The following E2F2 variants were observed in gnomAD, a reference collection of about 807,000 sequenced individuals.
The protein encoded by E2F2 is transcription factor E2F2.
Under a neutral mutation model 42.2 loss-of-function variants are expected in E2F2, and 22 were observed. The ratio of observed to expected loss-of-function variants is 0.52; its 90% CI spans 0.37 to 0.74. The LOEUF (loss-of-function observed/expected upper bound fraction) is 0.74. Ranked by LOEUF, E2F2 falls within the 30% of genes least tolerant of loss-of-function variation. The probability of loss-of-function intolerance (pLI) is 0.00; values close to 1 mark genes in which losing one functional copy is unlikely to be tolerated. For synonymous variants in E2F2, 248 were observed against 251.6 expected (o/e 0.99, Z 0.13); for missense variants, 481 against 557.8 (o/e 0.86, Z 1.39).
chr1:23,513,561 C>CGTGTGTGTGT lies in E2F2; in HGVS notation c.1045+2773_1045+2774insACACACACAC, dbSNP rs1558237706. ...TACTATTTCAGAACACAGCACGGAA[C>CGTGTGTGTGT]ATGTGTGTGTGTGTGTGTGTGTGTG... On this transcript the variant is annotated intron_variant, in intron 6 of 6. Transcript: ENST00000361729. 9.1e-4 allele frequency among the ~76,000 whole-genome samples: 106 copies of CGTGTGTGTGT among 116,038 alleles called. 1 individual carries two copies. The highest frequency in any genetic ancestry group is 2.5e-3 in the Admixed American group (26 of 10,532). The allele number at this position is 116,038 out of a possible 152,430, so 76.1% of individuals were successfully genotyped here. A position where few individuals can be genotyped will look rare whatever the true frequency, so the allele number is the denominator to read the frequency against.
Position 23,530,765 on chromosome 1 carries a change from G to C in E2F2, c.29C>G (p.Ser10Trp). The part of the protein sequence containing the change: MLQGPRALA[S>W]AAGQTPKVVP... ...CACCTTCGGGGTCTGCCCAGCGGCC[G>C]AAGCCAAGGCCCGGGGCCCTTGCAG... Residue 10 changes from serine (S) to tryptophan (W), a missense_variant, in exon 1 of 7, where the codon TCG becomes TGG. By Grantham distance (177) the Ser-to-Trp change is radical. Transcript: ENST00000361729. The surrounding 1 kb of genome is among the most constrained non-coding windows in gnomAD (Gnocchi z 4.4). 1 of 1,569,438 alleles carries C rather than the reference G, an allele frequency of 6.4e-7. No individual in the cohort carries two copies. Among genetic ancestry groups the C allele is most frequent in the Non-Finnish European group, 8.7e-7 (1 of 1,155,862 alleles).
chr1:23,511,738 T>C (rs1029236830), intron 6 of E2F2, among the ~76,000 whole-genome samples: 6 of 152,228 alleles, frequency 3.9e-5, no homozygotes, highest in Non-Finnish European at 7.3e-5. Flanking sequence ...GGTGCACCCA[T>C]AGGCATGTGA....
chr1:23,506,084 C>T (rs1225320702), downstream of E2F2, among the ~76,000 whole-genome samples: 2 of 152,226 alleles, frequency 1.3e-5, no homozygotes, highest in African/African-American at 4.8e-5. Context: ...GCATGTCTCA[C>T]ATTTCCAGGT....
chr1:23,514,272 G>C (rs1281779710), intron 6 of E2F2, among the ~76,000 whole-genome samples: 1 of 152,218 alleles, frequency 6.6e-6, no homozygotes, highest in Non-Finnish European at 1.5e-5. Flanking sequence ...CACAGCAGGA[G>C]GAGGATGGAC....
chr1:23,522,858 T>A (rs1205615822), intron 2 of E2F2, among the ~76,000 whole-genome samples: 1 of 152,162 alleles, frequency 6.6e-6, no homozygotes, highest in Non-Finnish European at 1.5e-5. Flanking sequence ...TAGTGGCCAA[T>A]CCAGTAATTC....
chr1:23,509,497 T>G lies in E2F2; in HGVS notation c.*383A>C, dbSNP rs1398263438. On this transcript the variant is annotated 3_prime_UTR_variant, in exon 7 of 7. Transcript: ENST00000361729. ...GGGAGGACAAACAAACAACTCAACC[T>G]GAAATAAATACAAAGGCATTATGTG... is the stretch of plus-strand genomic sequence containing the variant. The G allele has an allele frequency of 6.0e-6, 1 of 165,438 alleles. No individual in the cohort carries two copies. Among genetic ancestry groups the G allele is most frequent in the Non-Finnish European group, 1.3e-5 (1 of 77,228 alleles). The allele number at this position is 165,438 out of a possible 1,614,324, so 10.2% of individuals were successfully genotyped here. A position where few individuals can be genotyped will look rare whatever the true frequency, so the allele number is the denominator to read the frequency against.
At chr1:23,529,961 G>A (rs1236948448) in intron 1 of E2F2, among the ~76,000 whole-genome samples, 1 of 152,150 alleles carries the variant, frequency 6.6e-6, no homozygotes, top group Non-Finnish European at 1.5e-5. Context: ...ACCCAAGGGG[G>A]CTGCCCACAT....
chr1:23,520,114 C>T lies in E2F2; in HGVS notation c.737+799G>A, dbSNP rs188648023. ...AAAAAAAATTAGCCAGGCATGGTGGCGGGCACCTGTAATCCCAGCTACTTA... is the reference window on the plus strand; with the variant it reads ...AAAAAAAATTAGCCAGGCATGGTGGTGGGCACCTGTAATCCCAGCTACTTA... On this transcript the variant is annotated intron_variant, in intron 4 of 6. Transcript: ENST00000361729. 5.7e-3 allele frequency among the ~76,000 whole-genome samples: 854 copies of T among 149,426 alleles called. 8 individuals carry two copies. Among genetic ancestry groups the T allele is most frequent in the African/African-American group, 0.018 (743 of 40,502 alleles).
intron 1 of E2F2, among the ~76,000 whole-genome samples, chr1:23,529,757 CCTCCACTCCCCCAGGCTTTTCCCA>C (rs1210954669): frequency 1.3e-5 from 2 of 152,202 alleles, no homozygotes; most frequent in South Asian, 2.1e-4. Context: ...ACCACCACCA[CCTCCACTCCCCCAGGCTTTTCCCA>C]CTCCACCCCC....
chr1:23,528,580 T>G (rs535122034), intron 1 of E2F2, among the ~76,000 whole-genome samples: 1 of 152,316 alleles, frequency 6.6e-6, no homozygotes, highest in Admixed American at 6.5e-5. Context: ...CTCAGTTTCC[T>G]TATCTGCAAG....
chr1:23,523,797 G>A (rs1643197261), intron 2 of E2F2, among the ~76,000 whole-genome samples: 1 of 152,142 alleles, frequency 6.6e-6, no homozygotes, highest in African/African-American at 2.4e-5. Context: ...AGACTGGCCA[G>A]GCATGGTGGC....
At position 23,508,959 on chromosome 1, in the gene E2F2, A is replaced by G. The variant is rs1161090485; in HGVS notation, c.*921T>C. ...GCTCCTGGACCAGCGCAAGGCAGAA[A>G]CTCTGAGGAAAAGTGCCCGCCACAG... On this transcript the variant is annotated 3_prime_UTR_variant, in exon 7 of 7. Coordinates refer to ENST00000361729, the MANE Select transcript of E2F2 (RefSeq NM_004091.4). The G allele has an allele frequency of 2.0e-5, 3 of 152,228 alleles. No homozygotes were observed. Among genetic ancestry groups the G allele is most frequent in the African/African-American group, 7.3e-5 (3 of 41,368 alleles). 9.4% of individuals were successfully genotyped at this position (152,228 alleles called of 1,614,324 possible).
intron 5 of E2F2, among the ~76,000 whole-genome samples, chr1:23,518,006 CA>C (rs530910460): frequency 6.6e-6 from 1 of 150,982 alleles, no homozygotes; most frequent in East Asian, 1.9e-4. Flanking sequence ...CTCGTCTCTA[CA>C]AAAAAAACAA....
Position 23,521,086 on chromosome 1 carries a change from GC to G in E2F2, c.579-16del, listed in dbSNP as rs765067892. ...TTCCCCTGCCTCTGGGAACAGAGCA[GC>G]CCCCCAGTGTCAGTCTGTGGGTGAA... On this transcript the variant is annotated splice_polypyrimidine_tract_variant and intron_variant, in intron 3 of 6. Transcript: ENST00000361729. The G allele has an allele frequency of 1.9e-6, 3 of 1,599,354 alleles. No individual in the cohort carries two copies. The highest frequency in any genetic ancestry group is 1.3e-5 in the African/African-American group (1 of 74,252).
intron 2 of E2F2, 65 bp downstream of exon 2, chr1:23,524,318 T>C: frequency 8.1e-7 from 1 of 1,228,896 alleles, no homozygotes; most frequent in Non-Finnish European, 1.1e-6. Flanking sequence ...TACCAGTGAT[T>C]GGGCAGGGCA....
intron 6 of E2F2, among the ~76,000 whole-genome samples, chr1:23,511,727 T>C (rs1642912626): frequency 6.6e-6 from 1 of 152,238 alleles, no homozygotes; most frequent in Admixed American, 6.5e-5. Context: ...TTGAGACTGG[T>C]GGTGCACCCA....
chr1:23,530,521 G>T lies in E2F2; in HGVS notation c.252+21C>A. 1 of 1,610,118 alleles carries T rather than the reference G, an allele frequency of 6.2e-7. No homozygotes were observed. Among genetic ancestry groups the T allele is most frequent in the South Asian group, 1.1e-5 (1 of 90,866 alleles). ...CACCTGGAAAAGCATAGGGGGAAGC[G>T]GTGGGGGCCCCCAGCATTACCGGCA... On this transcript the variant is annotated intron_variant, in intron 1 of 6. Transcript: ENST00000361729. The surrounding 1 kb of genome is among the most constrained non-coding windows in gnomAD (Gnocchi z 4.4).
intron 6 of E2F2, 110 bp downstream of exon 6, chr1:23,516,225 A>C (rs904261203): frequency 3.1e-5 from 42 of 1,346,178 alleles, no homozygotes; most frequent in African/African-American, 9.2e-5. Flanking sequence ...GGATGACTAC[A>C]TCCCCAGCTG....
chr1:23,517,186 C>T (rs760336043), intron 5 of E2F2, among the ~76,000 whole-genome samples: 8 of 152,176 alleles, frequency 5.3e-5, no homozygotes, highest in Non-Finnish European at 1.0e-4. Flanking sequence ...CCATACCTCC[C>T]GCTGAAGCCA....
Sources: gnomAD v4.1 joint callset for allele counts (sites outside exome capture counted in the v4.1 genomes callset) on GRCh38, gnomAD v4.1.1 for gene constraint, Gnocchi (gnomAD v3.1) non-coding constraint, MANE v1.5 for transcripts, NCBI Gene and HGNC (gene_info 2026-07-23, HGNC 2026-07-21) for gene names.